The following TTLL6 variants were observed in gnomAD, a reference collection of about 807,000 sequenced individuals.
TTLL6 encodes the protein tubulin polyglutamylase TTLL6.
A neutral mutation model predicts 96.4 loss-of-function variants in TTLL6; 75 were observed. The observed-to-expected ratio is 0.78, with a 90% CI of 0.65 to 0.94. The LOEUF is 0.94. TTLL6 is among the 40% of genes least tolerant of loss of function. The pLI, the probability that TTLL6 is intolerant of heterozygous loss-of-function variation, is 0.00. For missense variants in TTLL6, 1,030 were observed against 1,093.0 expected (o/e 0.94, Z 0.81); for synonymous variants, 411 against 419.4 (o/e 0.98, Z 0.24).
intron 1 of TTLL6, among the ~76,000 whole-genome samples, chr17:48,808,122 G>T (rs1358511810): frequency 6.6e-6 from 1 of 152,216 alleles, no homozygotes; most frequent in Non-Finnish European, 1.5e-5. Context: ...ACAGGCGTGA[G>T]CCACCGCGCC....
At chr17:48,766,957 T>C (rs925179334) in intron 15 of TTLL6, among the ~76,000 whole-genome samples, 2 of 151,932 alleles carry the variant, frequency 1.3e-5, no homozygotes, top group African/African-American at 4.8e-5. Context: ...TTGTTTTGTT[T>C]TGTGTTTTTG....
Position 48,762,745 on chromosome 17 carries a change from A to G in TTLL6, c.*229T>C, listed in dbSNP as rs1036255812. The G allele has an allele frequency of 3.0e-5, 10 of 333,710 alleles. No individual in the cohort carries two copies. The highest frequency in any genetic ancestry group is 3.9e-4 in the Middle Eastern group (1 of 2,548). 20.7% of individuals were successfully genotyped at this position (333,710 alleles called of 1,614,324 possible). A position where few individuals can be genotyped will look rare whatever the true frequency, so the allele number is the denominator to read the frequency against. On this transcript the variant is annotated 3_prime_UTR_variant, in exon 16 of 16. Transcript: ENST00000393382. ...TGTGTCCTGGGGCAGCACCAATCCA[A>G]CCCCAGAAATCATGGTCCTGTAGCA...
intron 8 of TTLL6, 133 bp from the exon 9 acceptor site, chr17:48,791,736 G>C (rs2039229386): frequency 1.4e-6 from 1 of 704,198 alleles, no homozygotes; most frequent in Non-Finnish European, 2.4e-6. Flanking sequence ...CCAGGAACCA[G>C]GGTGACACCT....
In TTLL6 at chr17:48,785,191, G is replaced by A; in HGVS notation, c.1772C>T (p.Pro591Leu). ...AGGTGTGTAGGATACTAATGTCAAT[G>A]GCTGGATGTACTGAGGGAGGAAGAA... ...ATQASKQYIQ[P>L]LTLVSYTPDL... The change falls in exon 13 of 16, where the codon CCA (proline) becomes CTA (leucine). Residue 591 changes from proline (P) to leucine (L), a missense_variant. Pro to Leu is a moderately conservative substitution (Grantham distance 98). Coordinates refer to ENST00000393382, the MANE Select transcript of TTLL6 (RefSeq NM_001130918.3). 1 of 1,614,122 alleles carries A rather than the reference G, an allele frequency of 6.2e-7. No individual in the cohort carries two copies. Among genetic ancestry groups the A allele is most frequent in the Non-Finnish European group, 8.5e-7 (1 of 1,180,042 alleles).
At chr17:48,783,257 A>G (rs1302394702) in intron 13 of TTLL6, among the ~76,000 whole-genome samples, 1 of 152,114 alleles carries the variant, frequency 6.6e-6, no homozygotes, top group African/African-American at 2.4e-5. Flanking sequence ...TGAAGGCCCA[A>G]CAATGCTGAA....
At chr17:48,780,468 A>G (rs1383577458) in intron 13 of TTLL6, among the ~76,000 whole-genome samples, 1 of 152,226 alleles carries the variant, frequency 6.6e-6, no homozygotes, top group Non-Finnish European at 1.5e-5. Context: ...AGATCCCCAA[A>G]GCATAATCTC....
At chr17:48,769,686 C>T in intron 14 of TTLL6, 42 bp downstream of exon 14, 1 of 1,591,490 alleles carries the variant, frequency 6.3e-7, no homozygotes, top group Non-Finnish European at 8.6e-7. Context: ...GTCCCTCTCC[C>T]CTTTAAGCTC....
chr17:48,769,340 C>G, intron 14 of TTLL6, 86 bp from the exon 15 acceptor site: 1 of 1,462,134 alleles, frequency 6.8e-7, no homozygotes. Context: ...CCAGTAGGGT[C>G]CCATGGCCTG....
intron 8 of TTLL6, 69 bp from the exon 9 acceptor site, chr17:48,791,672 G>A (rs903296201): frequency 2.1e-5 from 28 of 1,311,350 alleles, no homozygotes; most frequent in Non-Finnish European, 2.8e-5. Context: ...TGGCATGCTG[G>A]AAACCAGAAA....
At position 48,790,066 on chromosome 17, in the gene TTLL6, T is replaced by G. The variant is rs878927649; in HGVS notation, c.1265A>C (p.Asp422Ala). 1 of 1,614,014 alleles carries G rather than the reference T, an allele frequency of 6.2e-7. No individual in the cohort carries two copies. The highest frequency in any genetic ancestry group is 8.5e-7 in the Non-Finnish European group (1 of 1,180,004). Residue 422 changes from aspartate (D) to alanine (A), a missense_variant, in exon 10 of 16, where the codon GAT becomes GCT. Physicochemically the swap from Asp to Ala is moderately radical, Grantham distance 126. Coordinates refer to ENST00000393382, the MANE Select transcript of TTLL6 (RefSeq NM_001130918.3). ...SPSFSTDSRLDKEVKDGLLYD... is the reference protein window; with the variant it reads ...SPSFSTDSRLAKEVKDGLLYD... ...CAGCAGACCATCTTTCACCTCTTTA[T>G]CCAACCGAGAGTCGGTGGAGAAGCT...
At position 48,769,754 on chromosome 17, in the gene TTLL6, G is replaced by C; in HGVS notation, c.2384C>G (p.Pro795Arg). The C allele has an allele frequency of 6.2e-7, 1 of 1,614,130 alleles. No homozygotes were observed. Among genetic ancestry groups the C allele is most frequent in the Non-Finnish European group, 8.5e-7 (1 of 1,180,036 alleles). Residue 795 changes from proline to arginine, a missense_variant, in exon 14 of 16, where the codon CCC (proline) becomes CGC (arginine). Physicochemically the swap from Pro to Arg is moderately radical, Grantham distance 103. Transcript: ENST00000393382. ...KLSFFPAHYN[P>R]KLGMNNLSQN... ...TGACAGGTTATTCATCCCCAGCTTG[G>C]GGTTGTAGTGAGCTGGGAAGAAGGA...
chr17:48,796,175 T>A, intron 7 of TTLL6, 29 bp from the exon 8 acceptor site: 1 of 1,533,478 alleles, frequency 6.5e-7, no homozygotes, highest in Non-Finnish European at 8.8e-7. Flanking sequence ...ATCTGTCGGG[T>A]CAGCTCGGAA....
intron 8 of TTLL6, among the ~76,000 whole-genome samples, chr17:48,794,506 G>A (rs558679552): frequency 2.0e-5 from 3 of 152,212 alleles, no homozygotes; most frequent in East Asian, 3.9e-4. Context: ...GGCAAGTGTC[G>A]GAGCCGGGAC....
At chr17:48,786,769 A>G (rs978705005) in intron 11 of TTLL6, among the ~76,000 whole-genome samples, 1 of 151,490 alleles carries the variant, frequency 6.6e-6, no homozygotes, top group African/African-American at 2.4e-5. Context: ...GACATAATAT[A>G]GCAGAAATAA....
intron 8 of TTLL6, among the ~76,000 whole-genome samples, chr17:48,791,891 C>G (rs1209367002): frequency 1.3e-5 from 2 of 152,210 alleles, no homozygotes; most frequent in East Asian, 3.8e-4. Flanking sequence ...AAACATCTAT[C>G]AGCAGGGGAA....
chr17:48,788,911 C>T (rs1415132630), intron 10 of TTLL6, among the ~76,000 whole-genome samples: 1 of 152,084 alleles, frequency 6.6e-6, no homozygotes, highest in Non-Finnish European at 1.5e-5. Context: ...ACTGGTTCTG[C>T]CCATGAGGAG....
rs1185052953 is a variant in TTLL6, at chr17:48,772,292, C to A, written c.2041-2195G>T. Among the ~76,000 whole-genome samples the A allele has an allele frequency of 3.3e-5, 5 of 151,944 alleles. No individual in the cohort carries two copies. In the East Asian group the frequency reaches 7.7e-4, roughly 23 times the overall value. ...TTGAGGCCAGGAGTTCCAGACCAGG[C>A]TGGGCAACATAGCAAGACCATATTG... On this transcript the variant is annotated intron_variant, in intron 13 of 15. Coordinates refer to ENST00000393382, the MANE Select transcript of TTLL6 (RefSeq NM_001130918.3).
chr17:48,789,184 T>A (rs557004105), intron 10 of TTLL6, among the ~76,000 whole-genome samples: 1 of 152,244 alleles, frequency 6.6e-6, no homozygotes, highest in Admixed American at 6.5e-5. Context: ...TAGTATTAAT[T>A]AATTTCTATC....
At position 48,791,591 on chromosome 17, in the gene TTLL6, G is replaced by C. The variant is rs1433029835; in HGVS notation, c.1011C>G (p.Thr337=). 6.2e-7 allele frequency: 1 copy of C among 1,609,704 alleles called. No individual in the cohort carries two copies. Among genetic ancestry groups the C allele is most frequent in the East Asian group, 2.2e-5 (1 of 44,732 alleles). The change falls in exon 9 of 16, where the codon ACC becomes ACG. Residue 337 remains threonine, a synonymous_variant. Coordinates refer to ENST00000393382, the MANE Select transcript of TTLL6 (RefSeq NM_001130918.3). ...AHSGSKRKLS[T]FSAYLEDHSY... The stretch of plus-strand genomic sequence containing the variant: ...TGTGGTCCTCCAAGTATGCACTGAA[G>C]GTGGAGAGCTTCCTGGAAGGGAACC...
Sources: gnomAD v4.1 joint callset for allele counts (sites outside exome capture counted in the v4.1 genomes callset) on GRCh38, gnomAD v4.1.1 for gene constraint, MANE v1.5 for transcripts, NCBI Gene and HGNC (gene_info 2026-07-23, HGNC 2026-07-21) for gene names.